The following RBFOX1 variants were observed in gnomAD, a reference collection of about 807,000 sequenced individuals.
The protein encoded by RBFOX1 is RNA binding fox-1 homolog 1.
RBFOX1 carries 8 observed loss-of-function variants against 57.7 expected under a neutral mutation model. That is an observed-to-expected ratio of 0.14 (90% confidence interval 0.08 to 0.25). The LOEUF (loss-of-function observed/expected upper bound fraction) is 0.25, where lower values mean the gene tolerates loss of function less well. Ranked by LOEUF, RBFOX1 falls within the 10% of genes least tolerant of loss-of-function variation. The probability of loss-of-function intolerance (pLI) is 1.00; values close to 1 mark genes in which losing one functional copy is unlikely to be tolerated. For missense variants in RBFOX1, 611 were observed against 548.5 expected (o/e 1.11, Z -1.14); for synonymous variants, 326 against 222.4 (o/e 1.47, Z -4.15).
intron 4 of RBFOX1, among the ~76,000 whole-genome samples, chr16:5,917,782 C>T (rs956058446): frequency 6.6e-6 from 1 of 152,162 alleles, no homozygotes; most frequent in African/African-American, 2.4e-5. Flanking sequence ...AAAGTGTGAC[C>T]AGAATGATCA....
intron 2 of RBFOX1, among the ~76,000 whole-genome samples, chr16:6,319,466 G>T (rs545544425): frequency 2.6e-5 from 4 of 152,146 alleles, no homozygotes; most frequent in Non-Finnish European, 5.9e-5. Flanking sequence ...TACAACAATG[G>T]AAAGCTGAAT....
At chr16:5,790,210 A>G (rs902487592) in intron 3 of RBFOX1, among the ~76,000 whole-genome samples, 3 of 152,226 alleles carry the variant, frequency 2.0e-5, no homozygotes, top group African/African-American at 7.2e-5. Context: ...CCACGCCCAC[A>G]TCATCCACCA....
Position 5,619,604 on chromosome 16 carries a change from T to C in RBFOX1, c.318+20643T>C, listed in dbSNP as rs1264891298. Among the ~76,000 whole-genome samples the C allele has an allele frequency of 2.5e-4, 38 of 152,206 alleles. 1 individual carries two copies. The highest frequency in any genetic ancestry group is 2.5e-3 in the Admixed American group (38 of 15,286). On this transcript the variant is annotated intron_variant, in intron 3 of 19. Transcript: ENST00000641259. Reference sequence around the variant, plus strand: ...CTTTTCCATCAGCTGTGAGTGACCCTTGGGCAGGGAGAGTTGCTTTCCTTT... The same window carrying C: ...CTTTTCCATCAGCTGTGAGTGACCCCTGGGCAGGGAGAGTTGCTTTCCTTT...
rs1044995035 is a variant in RBFOX1 at position 6,597,870 on chromosome 16, C to T, written c.-63-56733C>T. On this transcript the variant is annotated intron_variant, in intron 2 of 15. Transcript: ENST00000550418. ...TGTTGATCCTTGGAGCTGCCATGGC[C>T]ATCTTGGCACCATGAAGTGAGTATC... is the stretch of plus-strand genomic sequence containing the variant. Among the ~76,000 whole-genome samples, 5 of 152,114 alleles carry T rather than the reference C, an allele frequency of 3.3e-5. No homozygotes were observed. The East Asian group carries it at 5.8e-4, about 18-fold the overall frequency.
chr16:7,352,840 C>G (rs1038016740), intron 4 of RBFOX1, among the ~76,000 whole-genome samples: 1 of 152,118 alleles, frequency 6.6e-6, no homozygotes, highest in African/African-American at 2.4e-5. Flanking sequence ...CTCAACCTCC[C>G]AAGTAGCTGG....
intron 3 of RBFOX1, among the ~76,000 whole-genome samples, chr16:6,772,315 G>C (rs1238891067): frequency 2.0e-5 from 3 of 152,170 alleles, no homozygotes; most frequent in Non-Finnish European, 2.9e-5. Flanking sequence ...AGGAAGGATC[G>C]ATTGTGCTCA....
At chr16:6,990,190 G>A (rs1366299749) in intron 3 of RBFOX1, among the ~76,000 whole-genome samples, 4 of 152,120 alleles carry the variant, frequency 2.6e-5, no homozygotes, top group Non-Finnish European at 4.4e-5. Context: ...GAATGGAATG[G>A]CAACTCTCAA....
chr16:6,388,953 G>T (rs2092448950), intron 2 of RBFOX1, among the ~76,000 whole-genome samples: 1 of 152,214 alleles, frequency 6.6e-6, no homozygotes, highest in African/African-American at 2.4e-5. Context: ...TTCAGGAGAT[G>T]TTGGACAATG....
In RBFOX1 at chr16:5,516,375, T is replaced by C. The variant is rs532049929; in HGVS notation, c.258+49121T>C. ...ATTTTCTGTCTTCCATCACTTCCTG[T>C]CTCACATTATTTCTTGTCTCCCATC... On this transcript the variant is annotated intron_variant, in intron 2 of 2. Coordinates refer to the RBFOX1 transcript ENST00000585867. 2.0e-5 allele frequency among the ~76,000 whole-genome samples: 3 copies of C among 152,282 alleles called. No homozygotes were observed. In the South Asian group the frequency reaches 6.2e-4, roughly 32 times the overall value.
intron 4 of RBFOX1, among the ~76,000 whole-genome samples, chr16:5,890,603 A>G (rs2151933778): frequency 6.7e-6 from 1 of 149,860 alleles, no homozygotes; most frequent in East Asian, 2.1e-4. Flanking sequence ...AGGCTGAAGC[A>G]GGAGAATCGC....
intron 1 of RBFOX1, among the ~76,000 whole-genome samples, chr16:5,370,460 C>CT (rs1363697589): frequency 8.2e-5 from 4 of 48,530 alleles, no homozygotes; most frequent in African/African-American, 2.2e-4. Context: ...CAGCCTCCTC[C>CT]TCTTTTTTTT....
intron 3 of RBFOX1, among the ~76,000 whole-genome samples, chr16:6,943,592 C>T (rs1376088625): frequency 1.3e-5 from 2 of 151,948 alleles, no homozygotes; most frequent in African/African-American, 2.4e-5. Flanking sequence ...CCTGTAGTCC[C>T]AGCTACTTGG....
At position 7,102,194 on chromosome 16, in the gene RBFOX1, T is replaced by G. The variant is rs144143755; in HGVS notation, c.27+50096T>G. On this transcript the variant is annotated intron_variant, in intron 4 of 15. Coordinates refer to ENST00000550418, the MANE Select transcript of RBFOX1 (RefSeq NM_018723.4). ...ATCGGATTCCAGTTAAGCCACTGTT[T>G]GCAGGGGCATTCCCTGAGGAAATTC... is the stretch of plus-strand genomic sequence containing the variant. Among the ~76,000 whole-genome samples the G allele has an allele frequency of 1.5e-3, 225 of 152,314 alleles. 1 individual carries two copies. The highest frequency in any genetic ancestry group is 5.0e-3 in the African/African-American group (209 of 41,590).
At chr16:6,770,179 A>C (rs1305214657) in intron 3 of RBFOX1, among the ~76,000 whole-genome samples, 1 of 152,184 alleles carries the variant, frequency 6.6e-6, no homozygotes, top group African/African-American at 2.4e-5. Context: ...ATATTCTTGT[A>C]TATATCCATT....
chr16:6,838,235 G>A (rs1021636624), intron 3 of RBFOX1, among the ~76,000 whole-genome samples: 1 of 151,916 alleles, frequency 6.6e-6, no homozygotes, highest in Admixed American at 6.6e-5. Context: ...GTGTCCATGT[G>A]TTATCATTGT....
intron 4 of RBFOX1, among the ~76,000 whole-genome samples, chr16:7,329,706 C>T (rs1190367786): frequency 1.3e-5 from 2 of 152,140 alleles, no homozygotes; most frequent in South Asian, 4.2e-4. Flanking sequence ...TAATGGTGAT[C>T]GCGACTGGAG....
chr16:6,719,735 C>G (rs186056268), intron 3 of RBFOX1, among the ~76,000 whole-genome samples: 1 of 152,068 alleles, frequency 6.6e-6, no homozygotes, highest in East Asian at 2.0e-4. Flanking sequence ...CGTGAGCCAC[C>G]GCACTTGGCC....
Position 5,372,876 on chromosome 16 carries a change from A to T in RBFOX1, c.220-94340A>T, listed in dbSNP as rs150717028. 6.2e-3 allele frequency among the ~76,000 whole-genome samples: 945 copies of T among 152,358 alleles called. 6 individuals are homozygous for T. Among genetic ancestry groups the T allele is most frequent in the African/African-American group, 0.022 (900 of 41,586 alleles). Reference sequence around the variant, plus strand: ...CACACTTGTGATCCTTTTTGAATCAAAACACACTCTGCATGTTAGCATGAC... The same window carrying T: ...CACACTTGTGATCCTTTTTGAATCATAACACACTCTGCATGTTAGCATGAC... On this transcript the variant is annotated intron_variant, in intron 1 of 2. Transcript: ENST00000585867.
At chr16:5,630,551 G>A (rs900091254) in intron 3 of RBFOX1, among the ~76,000 whole-genome samples, 2 of 152,192 alleles carry the variant, frequency 1.3e-5, no homozygotes, top group African/African-American at 4.8e-5. Context: ...ATCTCTGCCT[G>A]CAGGCCACGT....
Sources: allele counts gnomAD v4.1 joint callset (sites outside exome capture counted in the v4.1 genomes callset), GRCh38; gene constraint gnomAD v4.1.1; transcripts MANE v1.5; gene names NCBI Gene and HGNC (gene_info 2026-07-23, HGNC 2026-07-21).